DLGAP2: variants seen among roughly 807,000 people sequenced by gnomAD.
The protein encoded by DLGAP2 is DLG associated protein 2.
DLGAP2 carries 26 observed loss-of-function variants against 100.3 expected under a neutral mutation model. The ratio of observed to expected loss-of-function variants is 0.26; its 90% CI spans 0.19 to 0.36. The LOEUF (loss-of-function observed/expected upper bound fraction) is 0.36, where lower values mean the gene tolerates loss of function less well. Among genes scored for constraint, DLGAP2 ranks in the 10% least tolerant of loss-of-function variants. The pLI is 1.00. For missense variants in DLGAP2, 1,858 were observed against 1,453.2 expected (o/e 1.28, Z -4.53); for synonymous variants, 886 against 630.1 (o/e 1.41, Z -6.08).
At chr8:770,258 G>A (rs930958615) in intron 1 of DLGAP2, among the ~76,000 whole-genome samples, 2 of 152,066 alleles carry the variant, frequency 1.3e-5, no homozygotes, top group African/African-American at 4.8e-5. Context: ...GGGAGAGTGC[G>A]TGCGTGGCGT....
At chr8:1,249,231 G>C (rs954119688) in intron 2 of DLGAP2, among the ~76,000 whole-genome samples, 1 of 152,122 alleles carries the variant, frequency 6.6e-6, no homozygotes, top group Admixed American at 6.5e-5. Context: ...AGCATTGGGA[G>C]CACATTTCAG....
At chr8:1,197,075 C>G (rs929627460) in intron 2 of DLGAP2, among the ~76,000 whole-genome samples, 1 of 152,148 alleles carries the variant, frequency 6.6e-6, no homozygotes, top group Non-Finnish European at 1.5e-5. Context: ...GGAACAAATT[C>G]TCCTTTCTCC....
intron 4 of DLGAP2, among the ~76,000 whole-genome samples, chr8:1,530,987 G>C (rs192485259): frequency 7.9e-5 from 12 of 152,284 alleles, no homozygotes; most frequent in African/African-American, 2.9e-4. Flanking sequence ...TATATAAATG[G>C]TTAGGTACAA....
intron 3 of DLGAP2, among the ~76,000 whole-genome samples, chr8:1,454,213 G>T (rs78226888): frequency 6.6e-6 from 1 of 152,168 alleles, no homozygotes; most frequent in Non-Finnish European, 1.5e-5. Flanking sequence ...GTCCACAGCC[G>T]CCCGGCAGGA....
intron 3 of DLGAP2, among the ~76,000 whole-genome samples, chr8:1,313,398 C>A (rs939783983): frequency 6.6e-6 from 1 of 152,146 alleles, no homozygotes; most frequent in Non-Finnish European, 1.5e-5. Flanking sequence ...CTTCAGAGAA[C>A]CCTCCGGTTG....
intron 3 of DLGAP2, among the ~76,000 whole-genome samples, chr8:1,465,003 G>A (rs531687967): frequency 2.6e-5 from 4 of 152,348 alleles, no homozygotes; most frequent in East Asian, 1.9e-4. Flanking sequence ...AGGAGACTTC[G>A]ATGACCAAAT....
At chr8:1,447,247 A>T (rs1020595957) in intron 3 of DLGAP2, among the ~76,000 whole-genome samples, 12 of 152,186 alleles carry the variant, frequency 7.9e-5, no homozygotes, top group African/African-American at 2.9e-4. Flanking sequence ...GATAGCTCTT[A>T]TTATTTTGGG....
At chr8:1,329,453 A>G (rs1309699372) in intron 3 of DLGAP2, among the ~76,000 whole-genome samples, 4 of 152,184 alleles carry the variant, frequency 2.6e-5, no homozygotes, top group Non-Finnish European at 5.9e-5. Context: ...TATTATTTTT[A>G]TGATTTCTGA....
intron 3 of DLGAP2, among the ~76,000 whole-genome samples, chr8:1,372,741 C>T (rs1247609786): frequency 6.6e-6 from 1 of 152,190 alleles, no homozygotes; most frequent in Non-Finnish European, 1.5e-5. Flanking sequence ...TGATATATTT[C>T]CAGTGTTTCA....
chr8:1,008,497 A>G (rs948990404), intron 2 of DLGAP2, among the ~76,000 whole-genome samples: 1 of 152,262 alleles, frequency 6.6e-6, no homozygotes. Context: ...TGTATATAAA[A>G]TCATATTTTC....
chr8:914,797 T>G (rs1798556907), intron 2 of DLGAP2, among the ~76,000 whole-genome samples: 1 of 152,258 alleles, frequency 6.6e-6, no homozygotes, highest in Non-Finnish European at 1.5e-5. Context: ...GGTTCATGAC[T>G]AAACCTGGTG....
intron 2 of DLGAP2, among the ~76,000 whole-genome samples, chr8:915,729 C>G (rs892211306): frequency 1.3e-5 from 2 of 152,148 alleles, no homozygotes; most frequent in African/African-American, 4.8e-5. Flanking sequence ...ATCTATTCAT[C>G]TCTCTGTCCG....
intron 6 of DLGAP2, among the ~76,000 whole-genome samples, chr8:1,622,949 G>A (rs1177624173): frequency 3.3e-5 from 5 of 152,142 alleles, no homozygotes; most frequent in Admixed American, 1.3e-4. Flanking sequence ...CGGGGCCACC[G>A]GAGGGTGCAT....
intron 1 of DLGAP2, among the ~76,000 whole-genome samples, chr8:830,610 C>G (rs1007824701): frequency 1.3e-5 from 2 of 152,196 alleles, no homozygotes; most frequent in African/African-American, 4.8e-5. Context: ...ACGGGTGCTA[C>G]TGAGTATGTT....
chr8:821,191 T>G (rs1408212329), intron 1 of DLGAP2, among the ~76,000 whole-genome samples: 2 of 152,246 alleles, frequency 1.3e-5, no homozygotes, highest in Non-Finnish European at 2.9e-5. Context: ...TAACTAATCA[T>G]CAAACAGATG....
intron 4 of DLGAP2, among the ~76,000 whole-genome samples, chr8:1,513,159 C>G: frequency 6.6e-6 from 1 of 151,270 alleles, no homozygotes; most frequent in Non-Finnish European, 1.5e-5. Context: ...CTGCCTTTCC[C>G]AGTGCAAGGG....
At chr8:897,704 C>T (rs771959504) in intron 1 of DLGAP2, among the ~76,000 whole-genome samples, 1 of 152,182 alleles carries the variant, frequency 6.6e-6, no homozygotes. Context: ...CCCCTCCCCA[C>T]GGGCTCACAG....
At chr8:776,915 C>T (rs1821535536) in intron 1 of DLGAP2, among the ~76,000 whole-genome samples, 1 of 152,074 alleles carries the variant, frequency 6.6e-6, no homozygotes, top group Non-Finnish European at 1.5e-5. Flanking sequence ...TGTTGACTTT[C>T]TGTCTCGTTG....
intron 3 of DLGAP2, among the ~76,000 whole-genome samples, chr8:1,287,633 AGT>A (rs782499346): frequency 0.47 from 32,057 of 68,928 alleles, 8,595 homozygotes; most frequent in African/African-American, 0.56. Context: ...GTTTCGGTTG[AGT>A]GTGTGTGTGT....
Sources: gnomAD v4.1 joint callset for allele counts (sites outside exome capture counted in the v4.1 genomes callset) on GRCh38, gnomAD v4.1.1 for gene constraint, MANE v1.5 for transcripts, NCBI Gene and HGNC (gene_info 2026-07-23, HGNC 2026-07-21) for gene names.